The following CLN3 variants were observed in gnomAD, a reference collection of about 807,000 sequenced individuals.
The protein encoded by CLN3 is battenin.
A neutral mutation model predicts 60.7 loss-of-function variants in CLN3; 49 were observed. The observed-to-expected ratio is 0.81, with a 90% CI of 0.64 to 1.02. The LOEUF is 1.02. Ranked by LOEUF, CLN3 falls within the 50% of genes least tolerant of loss-of-function variation. The pLI, the probability that CLN3 is intolerant of heterozygous loss-of-function variation, is 0.00. For missense variants in CLN3, 516 were observed against 557.4 expected, an observed-to-expected ratio of 0.93 and a Z score of 0.75; for synonymous variants, 256 against 245.8, an observed-to-expected ratio of 1.04 and a Z score of -0.39.
chr16:28,491,359 T>C (rs2046310129), intron 3 of CLN3, 123 bp downstream of exon 3: 3 of 1,371,316 alleles, frequency 2.2e-6, no homozygotes, highest in African/African-American at 1.4e-5. Flanking sequence ...GGCAAACCAG[T>C]GGATTCAGTA....
At position 28,487,358 on chromosome 16, in the gene CLN3, T is replaced by C. The variant is rs1256493479; in HGVS notation, c.460+98A>G. 3 of 995,502 alleles carry C rather than the reference T, an allele frequency of 3.0e-6. No individual in the cohort carries two copies. The Admixed American group carries it at 5.5e-5, about 18-fold the overall frequency. The allele number at this position is 995,502 out of a possible 1,614,324, so 61.7% of individuals were successfully genotyped here. On this transcript the variant is annotated intron_variant, in intron 7 of 15. Transcript: ENST00000636147. ...TAGCAGGCTTCTAAGGGTGACAGAA[T>C]GAATCCCTTTCCTCTGGGAGGCTGG...
Position 28,489,332 on chromosome 16 carries a change from G to A in CLN3, c.180C>T (p.His60=), listed in dbSNP as rs150120797. 1.9e-5 allele frequency: 31 copies of A among 1,613,424 alleles called. No homozygotes were observed. Among genetic ancestry groups the A allele is most frequent in the Admixed American group, 3.3e-5 (2 of 59,906 alleles). The change falls in exon 4 of 16, where the codon CAC becomes CAT. Residue 60 remains histidine, a synonymous_variant. Transcript: ENST00000636147. Reference sequence around the variant, plus strand: ...ATGTCCTCTTGTGGCTAAGGATGTCGTGGGCGGCACTCAGCATCACCACAT... The same window carrying A: ...ATGTCCTCTTGTGGCTAAGGATGTCATGGGCGGCACTCAGCATCACCACAT... ...FSYVVMLSAA[H]DILSHKRTSG...
In CLN3 at chr16:28,488,635, G is replaced by C; in HGVS notation, c.250C>G (p.His84Asp). ...HVDPGPTPIP[H>D]NSSSRFDCNS... ...CAGTCAAATCGTGATGAGCTGTTGT[G>C]GGGGATCGGCGTTGGGCCTGGGTCC... The change falls in exon 5 of 16, where the codon CAC becomes GAC. Residue 84 changes from histidine to aspartate, a missense_variant. His to Asp is a moderately conservative substitution (Grantham distance 81). Coordinates refer to ENST00000636147, the MANE Select transcript of CLN3 (RefSeq NM_001042432.2). 6.2e-7 allele frequency: 1 copy of C among 1,614,186 alleles called. No homozygotes were observed. Among genetic ancestry groups the C allele is most frequent in the Non-Finnish European group, 8.5e-7 (1 of 1,180,020 alleles).
Position 28,489,311 on chromosome 16 carries a change from C to G in CLN3, c.201G>C (p.Arg67Ser). 2 of 1,613,278 alleles carry G rather than the reference C, an allele frequency of 1.2e-6. No individual in the cohort carries two copies. Among genetic ancestry groups the G allele is most frequent in the Non-Finnish European group, 1.7e-6 (2 of 1,179,700 alleles). ...TTACATGGCTCTGGTTTCCCGATGTCCTCTTGTGGCTAAGGATGTCGTGGG... is the reference window on the plus strand; with the variant it reads ...TTACATGGCTCTGGTTTCCCGATGTGCTCTTGTGGCTAAGGATGTCGTGGG... ...SAAHDILSHK[R>S]TSGNQSHVDP... The change falls in exon 4 of 16, where the codon AGG becomes AGC. Residue 67 changes from arginine to serine, a missense_variant. Transcript: ENST00000636147.
At position 28,491,740 on chromosome 16, in the gene CLN3, G is replaced by C; in HGVS notation, c.20C>G (p.Ser7Trp). MGGCAG[S>W]RRRFSDSEGE... ...CTCGGAATCCGAAAAGCGCCGCCGCGAGCCTGCACAGCCTCCCATCGCATC... is the reference window on the plus strand; with the variant it reads ...CTCGGAATCCGAAAAGCGCCGCCGCCAGCCTGCACAGCCTCCCATCGCATC... The change falls in exon 2 of 16, where the codon TCG becomes TGG. Residue 7 changes from serine (S) to tryptophan (W), a missense_variant. Ser to Trp is a radical substitution (Grantham distance 177, BLOSUM62 -3). Transcript: ENST00000636147. 1 of 1,614,028 alleles carries C rather than the reference G, an allele frequency of 6.2e-7. No individual in the cohort carries two copies. Among genetic ancestry groups the C allele is most frequent in the Non-Finnish European group, 8.5e-7 (1 of 1,180,028 alleles).
rs770136863 is a variant in CLN3, at chr16:28,489,394, G to A, written c.126-8C>T. On this transcript the variant is annotated splice_region_variant and splice_polypyrimidine_tract_variant and intron_variant, in intron 3 of 15. Transcript: ENST00000636147. ...TTGCAAAGGCCCAGCAGCCTGGAAG[G>A]AGCAGGACAGGTCTCAACTCCCTCC... 99 of 1,601,088 alleles carry A rather than the reference G, an allele frequency of 6.2e-5. No individual in the cohort carries two copies. Among genetic ancestry groups the A allele is most frequent in the Non-Finnish European group, 1.1e-5 (13 of 1,171,986 alleles).
downstream of CLN3, among the ~76,000 whole-genome samples, chr16:28,473,958 G>GA (rs891458447): frequency 1.3e-3 from 183 of 137,260 alleles, no homozygotes; most frequent in Non-Finnish European, 1.3e-3. Context: ...ACAACCAAAG[G>GA]AAAAAAAAAA....
chr16:28,490,274 C>T (rs1047165368), intron 3 of CLN3: 3 of 151,562 alleles, frequency 2.0e-5, no homozygotes, highest in African/African-American at 7.3e-5. Flanking sequence ...GAAATCCTGT[C>T]TTTACTAAAA....
chr16:28,482,182 G>C lies in CLN3; in HGVS notation c.979C>G (p.Gln327Glu). The C allele has an allele frequency of 6.2e-7, 1 of 1,613,430 alleles. No homozygotes were observed. Among genetic ancestry groups the C allele is most frequent in the Non-Finnish European group, 8.5e-7 (1 of 1,179,784 alleles). Reference sequence around the variant, plus strand: ...GAGCGGGAGGCAAAGACGCCAGCCTGGTACAGCATCTGGTACCTGAGGTTA... The same window carrying C: ...GAGCGGGAGGCAAAGACGCCAGCCTCGTACAGCATCTGGTACCTGAGGTTA... ...QQYRWYQMLY[Q>E]AGVFASRSSL... The change falls in exon 14 of 16, where the codon CAG becomes GAG. Residue 327 changes from glutamine to glutamate, a missense_variant. Transcript: ENST00000636147.
chr16:28,482,139 C>G lies in CLN3; in HGVS notation c.1022G>C (p.Arg341Pro). Residue 341 changes from arginine (R) to proline (P), a missense_variant, in exon 14 of 16, where the codon CGC becomes CCC. Physicochemically the swap from Arg to Pro is moderately radical, Grantham distance 103. Coordinates refer to ENST00000636147, the MANE Select transcript of CLN3 (RefSeq NM_001042432.2). ...GGCCAGGGCCCAGGTGAAACGGATG[C>G]GACAGCAGCGGAGAGAAGAGCGGGA... ...FASRSSLRCC[R>P]IRFTWALALL... 1 of 1,613,498 alleles carries G rather than the reference C, an allele frequency of 6.2e-7. No homozygotes were observed. Among genetic ancestry groups the G allele is most frequent in the Non-Finnish European group, 8.5e-7 (1 of 1,179,886 alleles).
chr16:28,478,406 A>T (rs983093919), intron 14 of CLN3, among the ~76,000 whole-genome samples: 8 of 151,756 alleles, frequency 5.3e-5, no homozygotes, highest in Admixed American at 5.3e-4. Context: ...ACTTGAGGCC[A>T]GGAGTTCGAG....
At chr16:28,488,782 T>G (rs2046265300) in intron 4 of CLN3, 120 bp from the exon 5 acceptor site, 1 of 906,146 alleles carries the variant, frequency 1.1e-6, no homozygotes, top group Non-Finnish European at 1.9e-6. Context: ...GTGACTGACT[T>G]CTCAGGACCT....
intron 1 of CLN3, 83 bp downstream of exon 1, chr16:28,491,937 T>C (rs1226092972): frequency 1.2e-5 from 10 of 814,222 alleles, no homozygotes; most frequent in Non-Finnish European, 2.0e-5. Context: ...GGGGGCTCCA[T>C]CTCGAGCGCC....
chr16:28,482,806 T>G, intron 10 of CLN3, 134 bp from the exon 11 acceptor site: 1 of 941,922 alleles, frequency 1.1e-6, no homozygotes, highest in Non-Finnish European at 1.7e-6. Context: ...ATTGGACACT[T>G]AAAAATGGTT....
chr16:28,487,408 G>C (rs1194595398), intron 7 of CLN3, 48 bp downstream of exon 7: 7 of 1,441,408 alleles, frequency 4.9e-6, no homozygotes, highest in East Asian at 2.3e-5. Context: ...CAAATGCTCT[G>C]ATGTGGTTCC....
At chr16:28,489,766 A>G (rs775615384) in intron 3 of CLN3, among the ~76,000 whole-genome samples, 2 of 151,816 alleles carry the variant, frequency 1.3e-5, no homozygotes, top group Non-Finnish European at 2.9e-5. Context: ...TAAAAAATAA[A>G]AAGGAAGAGG....
At chr16:28,471,979 G>A (rs2045953562), downstream of CLN3, among the ~76,000 whole-genome samples, 1 of 152,086 alleles carries the variant, frequency 6.6e-6, no homozygotes, top group African/African-American at 2.4e-5. Flanking sequence ...GCAGTGAGCT[G>A]AGATAGTGCC....
rs2046259776 is a variant in CLN3, at chr16:28,488,530, G to A, written c.294+61C>T. Reference sequence around the variant, plus strand: ...CCAGCTGGGTAGTGAAGGGCTGGGAGTGGGGTCTATAGACCCAGGGGCCCT... The same window carrying A: ...CCAGCTGGGTAGTGAAGGGCTGGGAATGGGGTCTATAGACCCAGGGGCCCT... On this transcript the variant is annotated intron_variant, in intron 5 of 15. Coordinates refer to ENST00000636147, the MANE Select transcript of CLN3 (RefSeq NM_001042432.2). The A allele has an allele frequency of 2.8e-6, 4 of 1,432,528 alleles. No homozygotes were observed. The Admixed American group carries it at 5.1e-5, about 18-fold the overall frequency. 88.7% of individuals were successfully genotyped at this position (1,432,528 alleles called of 1,614,324 possible).
downstream of CLN3, chr16:28,477,196 T>C (rs1307917690): frequency 2.6e-6 from 1 of 390,836 alleles, no homozygotes; most frequent in African/African-American, 2.1e-5. Context: ...ATACCTTCTT[T>C]ATGCTGTCTA....
Sources: allele counts gnomAD v4.1 joint callset (sites outside exome capture counted in the v4.1 genomes callset), GRCh38; gene constraint gnomAD v4.1.1; transcripts MANE v1.5; gene names NCBI Gene and HGNC (gene_info 2026-07-23, HGNC 2026-07-21).